The following SEC16B variants were observed in gnomAD, a reference collection of about 807,000 sequenced individuals.
SEC16B encodes the protein SEC16 homolog B, endoplasmic reticulum export factor.
In SEC16B, 115 loss-of-function variants were observed where a neutral mutation model predicts 141.8. The observed-to-expected ratio is 0.81, with a 90% CI of 0.70 to 0.95. The LOEUF (loss-of-function observed/expected upper bound fraction) is 0.95. Among genes scored for constraint, SEC16B ranks in the 40% least tolerant of loss-of-function variants. The pLI is 0.00. For synonymous variants in SEC16B, 493 were observed against 492.5 expected, an observed-to-expected ratio of 1.00 and a Z score of -0.01; for missense variants, 1,291 against 1,312.3, an observed-to-expected ratio of 0.98 and a Z score of 0.25.
chr1:177,967,889 T>A lies in SEC16B; in HGVS notation c.93A>T (p.Gly31=). The A allele has an allele frequency of 6.2e-7, 1 of 1,613,970 alleles. No individual in the cohort carries two copies. The highest frequency in any genetic ancestry group is 8.5e-7 in the Non-Finnish European group (1 of 1,179,878). The change falls in exon 2 of 26, where the codon GGA becomes GGT. Residue 31 remains glycine (G), a synonymous_variant. Coordinates refer to ENST00000308284, the MANE Select transcript of SEC16B (RefSeq NM_033127.4). The stretch of plus-strand genomic sequence containing the variant: ...AAGAGTGAGGGACAGGCCGATGATG[T>A]CCATCTCTCCGAAACCCTCGGTCTG... ...KDPDRGFRRD[G]HHRPVPHSWH...
chr1:177,939,248 G>A (rs908520426), intron 18 of SEC16B, among the ~76,000 whole-genome samples: 2 of 152,216 alleles, frequency 1.3e-5, no homozygotes, highest in Non-Finnish European at 2.9e-5. Flanking sequence ...AGGGAAGAGT[G>A]GAGATGCCAT....
At chr1:177,950,955 A>G in intron 12 of SEC16B, among the ~76,000 whole-genome samples, 1 of 114,906 alleles carries the variant, frequency 8.7e-6, no homozygotes, top group Non-Finnish European at 1.8e-5. Context: ...GAAGGAGGGA[A>G]GGAAAGAAGG....
chr1:177,947,693 G>GGGGAGGGGAGGTGAGGAGA lies in SEC16B; in HGVS notation c.1663+113_1663+131dup, dbSNP rs1167307370. ...CAGGATGTTTAAAGCTGACCTGGAC[G>GGGGAGGGGAGGTGAGGAGA]GGGAGGGGAGGTGAGGAGAGGGAGG... On this transcript the variant is annotated intron_variant, in intron 13 of 25. Coordinates refer to ENST00000308284, the MANE Select transcript of SEC16B (RefSeq NM_033127.4). The GGGGAGGGGAGGTGAGGAGA allele has an allele frequency of 1.6e-4, 74 of 451,168 alleles. No individual in the cohort carries two copies. The East Asian group carries it at 2.0e-3, about 12-fold the overall frequency. The allele number at this position is 451,168 out of a possible 1,614,324, so 27.9% of individuals were successfully genotyped here.
chr1:177,933,131 G>T, intron 22 of SEC16B, 83 bp downstream of exon 22: 1 of 1,131,176 alleles, frequency 8.8e-7, no homozygotes, highest in Non-Finnish European at 1.3e-6. Flanking sequence ...TCAGGTGCCA[G>T]CTCTGAGAGC....
At chr1:177,981,707 C>T (rs755441872) in intron 1 of SEC16B, among the ~76,000 whole-genome samples, 3 of 152,110 alleles carry the variant, frequency 2.0e-5, no homozygotes, top group African/African-American at 4.8e-5. Flanking sequence ...GAGGGAAAGG[C>T]AGCCAACTAA....
intron 1 of SEC16B, among the ~76,000 whole-genome samples, chr1:177,983,607 G>T (rs1020327954): frequency 6.6e-6 from 1 of 152,090 alleles, no homozygotes; most frequent in African/African-American, 2.4e-5. Context: ...GATTTCCAGG[G>T]TGGAAGCCTT....
rs1652958022 is a variant in SEC16B, at chr1:177,960,327, C to A, written c.998+15G>T. ...TTTCAAAAGCCCTTACTCAGCAGCT[C>A]TTACAGCACTATACCTAATCAAGGG... On this transcript the variant is annotated intron_variant, in intron 8 of 25. Transcript: ENST00000308284. The A allele has an allele frequency of 6.4e-7, 1 of 1,566,782 alleles. No homozygotes were observed. The highest frequency in any genetic ancestry group is 2.2e-5 in the East Asian group (1 of 44,544).
rs969722881 is a variant in SEC16B, at chr1:177,967,882, G to A, written c.100C>T (p.Arg34Trp). Residue 34 changes from arginine (R) to tryptophan (W), a missense_variant, in exon 2 of 26, where the codon CGG becomes TGG. Coordinates refer to ENST00000308284, the MANE Select transcript of SEC16B (RefSeq NM_033127.4). ...TTGTGCCAAGAGTGAGGGACAGGCC[G>A]ATGATGTCCATCTCTCCGAAACCCT... The part of the protein sequence containing the change: ...DRGFRRDGHH[R>W]PVPHSWHNGE... 29 of 1,613,834 alleles carry A rather than the reference G, an allele frequency of 1.8e-5. No homozygotes were observed. The highest frequency in any genetic ancestry group is 1.2e-4 in the Admixed American group (7 of 60,004).
chr1:177,964,374 G>T, intron 4 of SEC16B, 95 bp from the exon 5 acceptor site: 1 of 750,776 alleles, frequency 1.3e-6, no homozygotes, highest in South Asian at 1.9e-5. Flanking sequence ...CCAAAGCGTG[G>T]GCAGGTACCA....
At chr1:177,939,100 C>T (rs1381934770) in intron 18 of SEC16B, among the ~76,000 whole-genome samples, 1 of 152,218 alleles carries the variant, frequency 6.6e-6, no homozygotes, top group Non-Finnish European at 1.5e-5. Context: ...CTTCCCTTTG[C>T]TCACGCCTGA....
Position 177,929,909 on chromosome 1 carries a change from C to T in SEC16B, c.3132G>A (p.Leu1044=), listed in dbSNP as rs774957562. The change falls in exon 26 of 26, where the codon CTG becomes CTA. Residue 1044 remains leucine, a synonymous_variant. Transcript: ENST00000308284. ...GCTGAGCTAGGCGATTTGGCCGATT[C>T]AGGCTAGTGGCCGTGGGCAGCTGGA... ...QVPQLPTATS[L]NRPNRLAQRR... The T allele has an allele frequency of 1.2e-6, 2 of 1,613,880 alleles. No individual in the cohort carries two copies. Among genetic ancestry groups the T allele is most frequent in the East Asian group, 2.2e-5 (1 of 44,872 alleles).
chr1:177,933,178 C>T, intron 22 of SEC16B, 36 bp downstream of exon 22: 3 of 1,509,142 alleles, frequency 2.0e-6, no homozygotes, highest in Non-Finnish European at 2.7e-6. Context: ...GAAAGACCCA[C>T]AGAGAGGGGC....
intron 24 of SEC16B, among the ~76,000 whole-genome samples, chr1:177,931,185 G>A (rs1170466848): frequency 6.6e-6 from 1 of 152,130 alleles, no homozygotes; most frequent in Non-Finnish European, 1.5e-5. Flanking sequence ...AGTGCCCATC[G>A]ACTAATGAGT....
intron 14 of SEC16B, chr1:177,945,713 G>C (rs1449803459): frequency 2.0e-5 from 3 of 152,338 alleles, no homozygotes; most frequent in Admixed American, 6.5e-5. Context: ...CTTCTTCATA[G>C]GGTAAATGTG....
intron 12 of SEC16B, 67 bp downstream of exon 12, chr1:177,951,847 G>A: frequency 3.1e-6 from 4 of 1,303,762 alleles, no homozygotes; most frequent in Admixed American, 2.0e-5. Context: ...GTGCACTCCT[G>A]AGCAGTCCCC....
intron 12 of SEC16B, 72 bp downstream of exon 12, chr1:177,951,842 C>T (rs1652211525): frequency 8.0e-7 from 1 of 1,249,544 alleles, no homozygotes; most frequent in East Asian, 2.5e-5. Flanking sequence ...CATCAGTGCA[C>T]TCCTGAGCAG....
At position 177,929,377 on chromosome 1, in the gene SEC16B, G is replaced by A. The variant is rs1013446208; in HGVS notation, c.*481C>T. 2 of 157,332 alleles carry A rather than the reference G, an allele frequency of 1.3e-5. No homozygotes were observed. Among genetic ancestry groups the A allele is most frequent in the African/African-American group, 4.8e-5 (2 of 41,558 alleles). 9.7% of individuals were successfully genotyped at this position (157,332 alleles called of 1,614,324 possible). ...AAAGGGCAGCAATAATCAAGTTTCA[G>A]TATAAAAACTTTGCTAAATAGAGCC... On this transcript the variant is annotated 3_prime_UTR_variant, in exon 26 of 26. Coordinates refer to ENST00000308284, the MANE Select transcript of SEC16B (RefSeq NM_033127.4).
At position 177,933,516 on chromosome 1, in the gene SEC16B, C is replaced by A; in HGVS notation, c.2692G>T (p.Gly898Cys). The A allele has an allele frequency of 6.2e-7, 1 of 1,613,844 alleles. No individual in the cohort carries two copies. Among genetic ancestry groups the A allele is most frequent in the Non-Finnish European group, 8.5e-7 (1 of 1,179,834 alleles). The change falls in exon 21 of 26, where the codon GGC (glycine) becomes TGC (cysteine). Residue 898 changes from glycine (G) to cysteine (C), a missense_variant. Gly to Cys is a radical substitution (Grantham distance 159). Transcript: ENST00000308284. ...TGCTCCTTCCCATCTCCGAGCTTGC[C>A]TCTCTGGGCAGTATTTCGGGGAGAG... The part of the protein sequence containing the change: ...KNSPRNTAQR[G>C]KLGDGKEHTK...
At chr1:177,963,689 A>G (rs1294499656) in intron 5 of SEC16B, among the ~76,000 whole-genome samples, 1 of 152,234 alleles carries the variant, frequency 6.6e-6, no homozygotes, top group African/African-American at 2.4e-5. Context: ...ATTTTAAAAA[A>G]GATTTCCATT....
Sources: allele counts gnomAD v4.1 joint callset (sites outside exome capture counted in the v4.1 genomes callset), GRCh38; gene constraint gnomAD v4.1.1; transcripts MANE v1.5; gene names NCBI Gene and HGNC (gene_info 2026-07-23, HGNC 2026-07-21).